Variants in SOX5 observed in about 807,000 individuals in gnomAD.
SOX5 encodes SRY-box transcription factor 5, also known as transcription factor SOX-5.
Under a neutral mutation model 92.0 loss-of-function variants are expected in SOX5, and 9 were observed. That is an observed-to-expected ratio of 0.10 (90% confidence interval 0.06 to 0.17). SOX5 has a LOEUF of 0.17. SOX5 is among the 10% of genes least tolerant of loss of function. The pLI, the probability that SOX5 is intolerant of heterozygous loss-of-function variation, is 1.00. For synonymous variants in SOX5, 344 were observed against 336.3 expected (o/e 1.02, Z -0.25); for missense variants, 642 against 944.5 (o/e 0.68, Z 4.20).
At chr12:24,121,508 C>T (rs1176437240) in intron 4 of SOX5, among the ~76,000 whole-genome samples, 2 of 150,418 alleles carry the variant, frequency 1.3e-5, no homozygotes, top group African/African-American at 2.5e-5. Context: ...ATCACTGATG[C>T]TTTACAGAAG....
At chr12:24,092,555 A>C (rs10842273) in intron 4 of SOX5, among the ~76,000 whole-genome samples, 52,821 of 151,990 alleles carry the variant, frequency 0.35, 10,173 homozygotes, top group East Asian at 0.62. Flanking sequence ...CTTTGACTGG[A>C]AGAAACTGGT....
Position 23,533,909 on chromosome 12 carries a change from T to TAAA in SOX5, c.*307_*309dup. Reference sequence around the variant, plus strand: ...AGAACAAACAGCCATAAAGTTTATTTAAAAAAAAAAAAAAGTTGACGGGTA... The same window carrying TAAA: ...AGAACAAACAGCCATAAAGTTTATTTAAAAAAAAAAAAAAAAAGTTGACGGGTA... On this transcript the variant is annotated 3_prime_UTR_variant, in exon 15 of 15. Coordinates refer to ENST00000451604, the MANE Select transcript of SOX5 (RefSeq NM_006940.6). 11 of 194,196 alleles carry TAAA rather than the reference T, an allele frequency of 5.7e-5. No individual in the cohort carries two copies. The highest frequency in any genetic ancestry group is 3.6e-4 in the East Asian group (3 of 8,310). The allele number at this position is 194,196 out of a possible 1,614,324, so 12.0% of individuals were successfully genotyped here. A position where few individuals can be genotyped will look rare whatever the true frequency, so the allele number is the denominator to read the frequency against.
At chr12:24,242,354 T>G (rs1965696380) in intron 3 of SOX5, among the ~76,000 whole-genome samples, 1 of 152,210 alleles carries the variant, frequency 6.6e-6, no homozygotes, top group South Asian at 2.1e-4. Context: ...GGTATTAAAA[T>G]AATTTCATTA....
chr12:23,916,174 T>C (rs1474868417), intron 1 of SOX5, among the ~76,000 whole-genome samples: 1 of 152,220 alleles, frequency 6.6e-6, no homozygotes, highest in Non-Finnish European at 1.5e-5. Flanking sequence ...ACCCTCTTTC[T>C]TACACACTAT....
intron 4 of SOX5, among the ~76,000 whole-genome samples, chr12:23,980,259 G>A (rs1949449231): frequency 6.6e-6 from 1 of 152,076 alleles, no homozygotes; most frequent in Non-Finnish European, 1.5e-5. Flanking sequence ...GTTTCTGAAT[G>A]ACTGGAAGTA....
chr12:24,444,736 T>C (rs1284734926), intron 1 of SOX5, among the ~76,000 whole-genome samples: 1 of 151,854 alleles, frequency 6.6e-6, no homozygotes, highest in African/African-American at 2.4e-5. Context: ...AATGGGGAGG[T>C]ATATAGACAG....
chr12:24,470,052 A>C (rs1944639262), intron 1 of SOX5, among the ~76,000 whole-genome samples: 1 of 152,240 alleles, frequency 6.6e-6, no homozygotes, highest in Non-Finnish European at 1.5e-5. Context: ...AGTGCATGCT[A>C]ATATTACAAG....
chr12:23,634,563 G>A (rs1391360514), intron 8 of SOX5, among the ~76,000 whole-genome samples: 1 of 152,120 alleles, frequency 6.6e-6, no homozygotes, highest in African/African-American at 2.4e-5. Context: ...AATGTATCCG[G>A]AATAGACTGA....
chr12:23,553,531 A>G (rs1944600755), intron 11 of SOX5, among the ~76,000 whole-genome samples: 1 of 152,054 alleles, frequency 6.6e-6, no homozygotes, highest in African/African-American at 2.4e-5. Context: ...CATGTGGAAG[A>G]AGGGAGGCAG....
chr12:23,988,209 TGAA>T (rs947740344), intron 4 of SOX5, among the ~76,000 whole-genome samples: 4 of 152,150 alleles, frequency 2.6e-5, no homozygotes, highest in African/African-American at 9.6e-5. Context: ...TAGGAAAAAA[TGAA>T]GAGTTCTATT....
chr12:24,333,598 A>T (rs1229188583), intron 2 of SOX5, among the ~76,000 whole-genome samples: 1 of 152,072 alleles, frequency 6.6e-6, no homozygotes, highest in African/African-American at 2.4e-5. Context: ...ACTTAACAGC[A>T]AAAACTCTTA....
intron 4 of SOX5, among the ~76,000 whole-genome samples, chr12:23,972,089 C>CTATTGCT (rs1948405942): frequency 6.6e-6 from 1 of 152,110 alleles, no homozygotes; most frequent in African/African-American, 2.4e-5. Flanking sequence ...GATTAAAATT[C>CTATTGCT]TATTGCTTTG....
chr12:23,700,566 C>T (rs2090487257), intron 6 of SOX5, among the ~76,000 whole-genome samples: 1 of 152,058 alleles, frequency 6.6e-6, no homozygotes, highest in Admixed American at 6.6e-5. Flanking sequence ...GAAGCAAAAG[C>T]TGACCATACT....
At chr12:24,231,032 T>C (rs1006234086) in intron 3 of SOX5, among the ~76,000 whole-genome samples, 1 of 152,276 alleles carries the variant, frequency 6.6e-6, no homozygotes. Flanking sequence ...GAAATTTCCG[T>C]TATCTAAATC....
chr12:24,397,713 A>C (rs1960402198), intron 1 of SOX5, among the ~76,000 whole-genome samples: 1 of 152,128 alleles, frequency 6.6e-6, no homozygotes, highest in South Asian at 2.1e-4. Flanking sequence ...AAGGGTCCCA[A>C]ACATCACAAA....
chr12:24,045,738 G>A (rs902160034), intron 4 of SOX5, among the ~76,000 whole-genome samples: 3 of 152,208 alleles, frequency 2.0e-5, no homozygotes, highest in Non-Finnish European at 4.4e-5. Context: ...ATGTATGGTG[G>A]CAGCTACACA....
At chr12:23,553,003 G>A (rs936386690) in intron 11 of SOX5, among the ~76,000 whole-genome samples, 6 of 151,724 alleles carry the variant, frequency 4.0e-5, no homozygotes, top group African/African-American at 1.2e-4. Context: ...GACAACTATC[G>A]CTGATATTTT....
At chr12:24,255,886 A>C (rs1941079478) in intron 3 of SOX5, among the ~76,000 whole-genome samples, 1 of 152,202 alleles carries the variant, frequency 6.6e-6, no homozygotes, top group Non-Finnish European at 1.5e-5. Context: ...GTGTTGGAGA[A>C]AAGACAGTAA....
chr12:24,141,517 C>T (rs1187810847), intron 4 of SOX5, among the ~76,000 whole-genome samples: 1 of 152,078 alleles, frequency 6.6e-6, no homozygotes, highest in Non-Finnish European at 1.5e-5. Context: ...TAGTGTAATC[C>T]ACCCCTTTTG....
Sources: allele counts gnomAD v4.1 joint callset (sites outside exome capture counted in the v4.1 genomes callset), GRCh38; gene constraint gnomAD v4.1.1; transcripts MANE v1.5; gene names NCBI Gene and HGNC (gene_info 2026-07-23, HGNC 2026-07-21).